SEC13: variants seen among roughly 807,000 people sequenced by gnomAD.
The protein encoded by SEC13 is protein SEC13 homolog.
Under a neutral mutation model 49.2 loss-of-function variants are expected in SEC13, and 25 were observed. The observed-to-expected ratio is 0.51, with a 90% CI of 0.37 to 0.71. SEC13 has a LOEUF of 0.71. Among genes scored for constraint, SEC13 ranks in the 30% least tolerant of loss-of-function variants. The probability of loss-of-function intolerance (pLI) is 0.00; values close to 1 mark genes in which losing one functional copy is unlikely to be tolerated. For synonymous variants in SEC13, 148 were observed against 163.9 expected (o/e 0.90, Z 0.74); for missense variants, 383 against 417.6 (o/e 0.92, Z 0.72).
intron 2 of SEC13, among the ~76,000 whole-genome samples, chr3:10,317,778 A>G (rs28349): frequency 0.83 from 125,888 of 152,100 alleles, 52,378 homozygotes; most frequent in East Asian, 0.99. Context: ...AGGTTATTGT[A>G]TTGGCTGGAA....
chr3:10,312,080 G>A lies in SEC13; in HGVS notation c.335C>T (p.Ala112Val), dbSNP rs773775902. ...HDSSVNSVCW[A>V]PHDYGLILAC... ...CAGGATCAGGCCGTAGTCATGGGGG[G>A]CCCAGCACACCGAGTTCACTGCGGG... Residue 112 changes from alanine to valine, a missense_variant, in exon 5 of 9, where the codon GCC becomes GTC. Ala to Val is a moderately conservative substitution (Grantham distance 64, BLOSUM62 0). Transcript: ENST00000350697. 3.1e-6 allele frequency: 5 copies of A among 1,606,784 alleles called. No individual in the cohort carries two copies. In the Admixed American group the frequency reaches 5.1e-5, roughly 16 times the overall value.
At chr3:10,315,582 G>A in intron 2 of SEC13, 146 bp from the exon 3 acceptor site, 2 of 618,180 alleles carry the variant, frequency 3.2e-6, no homozygotes, top group Non-Finnish European at 5.8e-6. Context: ...CAGGCAGGAA[G>A]CTAGCATGTG....
intron 2 of SEC13, among the ~76,000 whole-genome samples, chr3:10,315,737 T>C (rs916259978): frequency 3.9e-5 from 6 of 151,946 alleles, no homozygotes; most frequent in African/African-American, 1.5e-4. Flanking sequence ...GAAAAAAAGT[T>C]GGCCTAGCTG....
chr3:10,304,955 T>C, intron 7 of SEC13, 78 bp downstream of exon 7: 1 of 1,604,878 alleles, frequency 6.2e-7, no homozygotes, highest in Non-Finnish European at 8.5e-7. Context: ...CCCAGAGGAC[T>C]TTCTGCTAAG....
chr3:10,302,146 G>A (rs569138031), intron 8 of SEC13, among the ~76,000 whole-genome samples: 2 of 152,296 alleles, frequency 1.3e-5, no homozygotes, highest in African/African-American at 4.8e-5. Context: ...GCTGAGGCAG[G>A]AGAATCGCTT....
chr3:10,319,146 C>T, intron 1 of SEC13: 1 of 1,609,610 alleles, frequency 6.2e-7, no homozygotes, highest in Non-Finnish European at 8.5e-7. Flanking sequence ...TACCATTTTC[C>T]CCATTTCATC....
Position 10,312,616 on chromosome 3 carries a change from C to T in SEC13, c.279G>A (p.Trp93Ter). Residue 93 changes from tryptophan (W) to a stop codon, truncating the protein, a stop_gained, in exon 4 of 9, where the codon TGG becomes TGA. Coordinates refer to ENST00000350697, the MANE Select transcript of SEC13 (RefSeq NM_183352.3). LOFTEE classifies it high-confidence loss of function. ...GTCCCGCATGCTCGTGGCTCTTCTC[C>T]CAGGTGCCGTTTTCCTCTCTCCAGA... ...VIIWREENGT[W>*]EKSHEHAGHD... 1 of 1,614,164 alleles carries T rather than the reference C, an allele frequency of 6.2e-7. No homozygotes were observed. The highest frequency in any genetic ancestry group is 8.5e-7 in the Non-Finnish European group (1 of 1,180,032).
intron 5 of SEC13, among the ~76,000 whole-genome samples, chr3:10,311,397 G>A (rs1037999691): frequency 6.6e-6 from 1 of 152,156 alleles, no homozygotes; most frequent in Admixed American, 6.5e-5. Context: ...GACAGCAAAC[G>A]ATGTGGCATT....
intron 5 of SEC13, among the ~76,000 whole-genome samples, chr3:10,309,130 G>A (rs1179465424): frequency 6.6e-6 from 1 of 151,728 alleles, no homozygotes; most frequent in Admixed American, 6.6e-5. Flanking sequence ...TAGAGACGGG[G>A]TTTCGCCATG....
chr3:10,313,016 C>T (rs900320368), intron 3 of SEC13: 5 of 384,886 alleles, frequency 1.3e-5, no homozygotes, highest in Non-Finnish European at 2.4e-5. Context: ...GCCCAGACTG[C>T]AGCCAGCACT....
intron 2 of SEC13, among the ~76,000 whole-genome samples, chr3:10,315,732 A>G (rs756410841): frequency 6.6e-6 from 1 of 152,068 alleles, no homozygotes; most frequent in African/African-American, 2.4e-5. Context: ...TGGGAGAAAA[A>G]AAGTTGGCCT....
In SEC13 at chr3:10,311,383, G is replaced by A. The variant is rs138942814; in HGVS notation, c.450+582C>T. On this transcript the variant is annotated intron_variant, in intron 5 of 8. Coordinates refer to ENST00000350697, the MANE Select transcript of SEC13 (RefSeq NM_183352.3). ...TAAAATATCCAATAATCATACAGAT[G>A]CATGACAGCAAACGATGTGGCATTA... Among the ~76,000 whole-genome samples, 125 of 152,332 alleles carry A rather than the reference G, an allele frequency of 8.2e-4. 3 individuals are homozygous for A. In the East Asian group the frequency reaches 0.022, roughly 27 times the overall value.
At position 10,300,967 on chromosome 3, in the gene SEC13, A is replaced by ACAAAACCCCCCAAATAATGCCTGAAC; in HGVS notation, c.*268_*293dup. ...ATGACTTTATTTAGTTCCTTTGGAA[A>ACAAAACCCCCCAAATAATGCCTGAAC]CAAAACCCCCCAAATAATGCCTGAA... is the stretch of plus-strand genomic sequence containing the variant. On this transcript the variant is annotated 3_prime_UTR_variant, in exon 9 of 9. Coordinates refer to ENST00000350697, the MANE Select transcript of SEC13 (RefSeq NM_183352.3). The ACAAAACCCCCCAAATAATGCCTGAAC allele has an allele frequency of 1.9e-6, 2 of 1,055,718 alleles. No individual in the cohort carries two copies. The highest frequency in any genetic ancestry group is 5.2e-5 in the East Asian group (2 of 38,424). 65.4% of individuals were successfully genotyped at this position (1,055,718 alleles called of 1,614,324 possible). A position where few individuals can be genotyped will look rare whatever the true frequency, so the allele number is the denominator to read the frequency against.
intron 8 of SEC13, among the ~76,000 whole-genome samples, chr3:10,302,263 A>AATC (rs1700581611): frequency 6.6e-6 from 1 of 152,106 alleles, no homozygotes; most frequent in Non-Finnish European, 1.5e-5. Flanking sequence ...AAACAAAAAC[A>AATC]ATCTAAACCT....
Position 10,312,067 on chromosome 3 carries a change from G to A in SEC13, c.348C>T (p.Tyr116=), listed in dbSNP as rs781258226. The A allele has an allele frequency of 1.5e-5, 24 of 1,610,372 alleles. No homozygotes were observed. Among genetic ancestry groups the A allele is most frequent in the Non-Finnish European group, 2.0e-5 (23 of 1,178,226 alleles). The change falls in exon 5 of 9, where the codon TAC becomes TAT. Residue 116 remains tyrosine, a synonymous_variant. Coordinates refer to ENST00000350697, the MANE Select transcript of SEC13 (RefSeq NM_183352.3). ...VNSVCWAPHD[Y]GLILACGSSD... is the part of the protein sequence containing the mutation. ...AGCTCCCACAGGCCAGGATCAGGCC[G>A]TAGTCATGGGGGGCCCAGCACACCG...
At chr3:10,311,621 TAA>T (rs111583891) in intron 5 of SEC13, 1 of 1,098,862 alleles carries the variant, frequency 9.1e-7, no homozygotes, top group Non-Finnish European at 1.1e-6. Context: ...ACATACTTTT[TAA>T]AAGTTTTAAT....
chr3:10,305,288 AT>A, intron 6 of SEC13, 132 bp from the exon 7 acceptor site: 2 of 1,347,508 alleles, frequency 1.5e-6, no homozygotes, highest in Non-Finnish European at 2.0e-6. Flanking sequence ...AGTTTGTGGC[AT>A]TTTATTCCCT....
At chr3:10,311,434 A>G (rs1415586240) in intron 5 of SEC13, 1 of 156,922 alleles carries the variant, frequency 6.4e-6, no homozygotes, top group Non-Finnish European at 1.4e-5. Context: ...CACATTGGTT[A>G]TTGTTGGTTT....
intron 5 of SEC13, among the ~76,000 whole-genome samples, chr3:10,309,505 G>A (rs182849275): frequency 6.6e-5 from 10 of 152,052 alleles, no homozygotes; most frequent in African/African-American, 1.2e-4. Context: ...CTTGCATTTC[G>A]TCTTAGTCTT....
Sources: gnomAD v4.1 joint callset for allele counts (sites outside exome capture counted in the v4.1 genomes callset) on GRCh38, gnomAD v4.1.1 for gene constraint, MANE v1.5 for transcripts, NCBI Gene and HGNC (gene_info 2026-07-23, HGNC 2026-07-21) for gene names.